TRAPPC8: variants seen among roughly 807,000 people sequenced by gnomAD.
TRAPPC8 encodes general sporulation gene 1 homolog.
Under a neutral mutation model 174.3 loss-of-function variants are expected in TRAPPC8, and 54 were observed. That is an observed-to-expected ratio of 0.31 (90% CI 0.25 to 0.39). The LOEUF is 0.39. Ranked by LOEUF, TRAPPC8 falls within the 10% of genes least tolerant of loss-of-function variation. TRAPPC8 has a pLI of 1.00. For synonymous variants in TRAPPC8, 630 were observed against 579.9 expected, an observed-to-expected ratio of 1.09 and a Z score of -1.24; for missense variants, 1,531 against 1,699.1, an observed-to-expected ratio of 0.90 and a Z score of 1.74.
chr18:31,939,221 T>C (rs971924262), intron 1 of TRAPPC8, among the ~76,000 whole-genome samples: 20 of 152,130 alleles, frequency 1.3e-4, no homozygotes, highest in African/African-American at 4.8e-4. Flanking sequence ...TAAGTCCTCT[T>C]TGCCAAATTT....
At chr18:31,871,555 C>A (rs1054104881) in intron 14 of TRAPPC8, among the ~76,000 whole-genome samples, 1 of 151,564 alleles carries the variant, frequency 6.6e-6, no homozygotes, top group Non-Finnish European at 1.5e-5. Flanking sequence ...TTCGCCCCCA[C>A]TGGCATCACT....
chr18:31,908,427 A>G lies in TRAPPC8; in HGVS notation c.1123-9T>C, dbSNP rs1568122521. The G allele has an allele frequency of 6.6e-7, 1 of 1,516,194 alleles. No individual in the cohort carries two copies. Among genetic ancestry groups the G allele is most frequent in the Non-Finnish European group, 8.9e-7 (1 of 1,118,624 alleles). The allele number at this position is 1,516,194 out of a possible 1,614,324, so 93.9% of individuals were successfully genotyped here. ...CCTTTTCTTGATATTAGCTTTAAAAAAGAGATTAAATATGTTGACAAACAA... is the reference window on the plus strand; with the variant it reads ...CCTTTTCTTGATATTAGCTTTAAAAGAGAGATTAAATATGTTGACAAACAA... On this transcript the variant is annotated splice_polypyrimidine_tract_variant and intron_variant, in intron 7 of 28. Coordinates refer to ENST00000283351, the MANE Select transcript of TRAPPC8 (RefSeq NM_014939.5).
chr18:31,839,600 AGCT>A (rs2032976481), intron 26 of TRAPPC8, 143 bp from the exon 27 acceptor site: 1 of 655,252 alleles, frequency 1.5e-6, no homozygotes, highest in Non-Finnish European at 2.3e-6. Context: ...TTAAGCTAAT[AGCT>A]GCTATCATTT....
intron 13 of TRAPPC8, chr18:31,873,761 T>G: frequency 2.5e-6 from 1 of 398,996 alleles, no homozygotes; most frequent in East Asian, 4.5e-5. Context: ...GTTACTCAGC[T>G]AATTACCTGG....
At chr18:31,928,352 C>T (rs1385813421) in intron 2 of TRAPPC8, among the ~76,000 whole-genome samples, 1 of 150,852 alleles carries the variant, frequency 6.6e-6, no homozygotes, top group East Asian at 2.0e-4. Flanking sequence ...CACACACACA[C>T]ACACACACAC....
chr18:31,884,700 G>A (rs905164740), intron 12 of TRAPPC8, among the ~76,000 whole-genome samples: 1 of 151,976 alleles, frequency 6.6e-6, no homozygotes, highest in African/African-American at 2.4e-5. Flanking sequence ...GTCTTTGAGG[G>A]GGTTTTTTAA....
chr18:31,942,045 A>G (rs2038367267), intron 1 of TRAPPC8, among the ~76,000 whole-genome samples: 1 of 152,282 alleles, frequency 6.6e-6, no homozygotes, highest in East Asian at 1.9e-4. Context: ...TTCTTATAAT[A>G]CTTTTAATTT....
chr18:31,884,232 A>G (rs1185782884), intron 12 of TRAPPC8, among the ~76,000 whole-genome samples: 1 of 152,228 alleles, frequency 6.6e-6, no homozygotes, highest in Admixed American at 6.5e-5. Flanking sequence ...GAGCATTAGC[A>G]TATGGAGACA....
intron 2 of TRAPPC8, among the ~76,000 whole-genome samples, chr18:31,925,077 C>T (rs2037555236): frequency 6.6e-6 from 1 of 151,896 alleles, no homozygotes; most frequent in Non-Finnish European, 1.5e-5. Flanking sequence ...CTATTCTTAG[C>T]CTTACCACCC....
At chr18:31,912,252 A>G (rs1212877447) in intron 5 of TRAPPC8, among the ~76,000 whole-genome samples, 1 of 152,170 alleles carries the variant, frequency 6.6e-6, no homozygotes, top group Non-Finnish European at 1.5e-5. Context: ...GCACTTTTGG[A>G]GTCTGAGGCG....
At chr18:31,867,587 ACTTGGT>A in intron 16 of TRAPPC8, 111 bp from the exon 17 acceptor site, 2 of 686,582 alleles carry the variant, frequency 2.9e-6, no homozygotes, top group Non-Finnish European at 4.6e-6. Flanking sequence ...GTCTGCATTT[ACTTGGT>A]TTTTACCACA....
In TRAPPC8 at chr18:31,829,807, T is replaced by C. The variant is rs1175017710; in HGVS notation, c.*948A>G. On this transcript the variant is annotated 3_prime_UTR_variant, in exon 29 of 29. Coordinates refer to ENST00000283351, the MANE Select transcript of TRAPPC8 (RefSeq NM_014939.5). ...CTTCTCCAATGACAAGAGATATTCA[T>C]TGAAACAACCTTGCTCCCATTTCTC... 3 of 152,628 alleles carry C rather than the reference T, an allele frequency of 2.0e-5. No individual in the cohort carries two copies. The highest frequency in any genetic ancestry group is 4.8e-5 in the African/African-American group (2 of 41,584). The allele number at this position is 152,628 out of a possible 1,614,324, so 9.5% of individuals were successfully genotyped here. A position where few individuals can be genotyped will look rare whatever the true frequency, so the allele number is the denominator to read the frequency against.
chr18:31,917,646 G>T lies in TRAPPC8; in HGVS notation c.374C>A (p.Ser125Tyr). ...NISATTPWFE[S>Y]YRETFLQSMP... The stretch of plus-strand genomic sequence containing the variant: ...CGACTGAAGAAAGGTTTCTCTGTAA[G>T]ACTCAAACCATGGAGTAGTGGCTAA... The change falls in exon 3 of 29, where the codon TCT (serine) becomes TAT (tyrosine). Residue 125 changes from serine (S) to tyrosine (Y), a missense_variant. Coordinates refer to ENST00000283351, the MANE Select transcript of TRAPPC8 (RefSeq NM_014939.5). 3 of 1,612,966 alleles carry T rather than the reference G, an allele frequency of 1.9e-6. No individual in the cohort carries two copies. The highest frequency in any genetic ancestry group is 2.5e-6 in the Non-Finnish European group (3 of 1,179,644).
chr18:31,866,908 C>A lies in TRAPPC8; in HGVS notation c.2531G>T (p.Gly844Val). ...LHILGVVYNLGTIQGSMTVDG... is the reference protein window; with the variant it reads ...LHILGVVYNLVTIQGSMTVDG... ...TACTGTCATAGAGCCCTGAATAGTG[C>A]CAAGATTATAAACAACTCCCAGAAT... The change falls in exon 18 of 29, where the codon GGC becomes GTC. Residue 844 changes from glycine (G) to valine (V), a missense_variant. Coordinates refer to ENST00000283351, the MANE Select transcript of TRAPPC8 (RefSeq NM_014939.5). 6.2e-7 allele frequency: 1 copy of A among 1,613,670 alleles called. No individual in the cohort carries two copies. Among genetic ancestry groups the A allele is most frequent in the Non-Finnish European group, 8.5e-7 (1 of 1,179,758 alleles).
chr18:31,857,769 C>T lies in TRAPPC8; in HGVS notation c.2959G>A (p.Asp987Asn), dbSNP rs774642732. ...NCSAYKTVVT[D>N]ATSVCTALIS... is the part of the protein sequence containing the mutation. ...AGTGCTGTACACACAGAGGTAGCAT[C>T]TGTCACAACAGTCTTGTAAGCACTA... Residue 987 changes from aspartate to asparagine, a missense_variant, in exon 20 of 29, where the codon GAT becomes AAT. Transcript: ENST00000283351. 1 of 1,614,144 alleles carries T rather than the reference C, an allele frequency of 6.2e-7. No individual in the cohort carries two copies. Among genetic ancestry groups the T allele is most frequent in the Admixed American group, 1.7e-5 (1 of 60,006 alleles).
At chr18:31,838,925 T>C (rs1256095601) in intron 27 of TRAPPC8, among the ~76,000 whole-genome samples, 2 of 152,108 alleles carry the variant, frequency 1.3e-5, no homozygotes, top group African/African-American at 4.8e-5. Context: ...CCCATCCCCA[T>C]CCAGGGTGTT....
At chr18:31,856,270 A>C (rs886912029) in intron 20 of TRAPPC8, among the ~76,000 whole-genome samples, 1 of 151,804 alleles carries the variant, frequency 6.6e-6, no homozygotes, top group African/African-American at 2.4e-5. Context: ...CACACCCTAT[A>C]ATTTTTGTAT....
At chr18:31,913,637 T>A in intron 4 of TRAPPC8, 115 bp from the exon 5 acceptor site, 1 of 784,548 alleles carries the variant, frequency 1.3e-6, no homozygotes, top group Non-Finnish European at 1.8e-6. Context: ...AAGGCATATT[T>A]AGACTGGAAA....
In TRAPPC8 at chr18:31,908,914, G is replaced by A. The variant is rs1465475597; in HGVS notation, c.962C>T (p.Ala321Val). Residue 321 changes from alanine to valine, a missense_variant, in exon 7 of 29, where the codon GCT becomes GTT. Ala to Val is a moderately conservative substitution (Grantham distance 64). Coordinates refer to ENST00000283351, the MANE Select transcript of TRAPPC8 (RefSeq NM_014939.5). ...SIDGPDHLRS[A>V]SSLHETKKGN... ...TTTCTTTGTTTCATGTAACGATGAAGCAGATCTTAGATGATCTGGGCCATC... is the reference window on the plus strand; with the variant it reads ...TTTCTTTGTTTCATGTAACGATGAAACAGATCTTAGATGATCTGGGCCATC... 3 of 1,613,578 alleles carry A rather than the reference G, an allele frequency of 1.9e-6. No homozygotes were observed. The highest frequency in any genetic ancestry group is 2.7e-5 in the African/African-American group (2 of 74,880).
Sources: gnomAD v4.1 joint callset for allele counts (sites outside exome capture counted in the v4.1 genomes callset) on GRCh38, gnomAD v4.1.1 for gene constraint, MANE v1.5 for transcripts, NCBI Gene and HGNC (gene_info 2026-07-23, HGNC 2026-07-21) for gene names.